SLCO3A1: variants seen among roughly 807,000 people sequenced by gnomAD.
The protein encoded by SLCO3A1 is solute carrier organic anion transporter family member 3A1.
A neutral mutation model predicts 63.1 loss-of-function variants in SLCO3A1; 27 were observed. That is an observed-to-expected ratio of 0.43 (90% confidence interval 0.32 to 0.59). The LOEUF (loss-of-function observed/expected upper bound fraction) is 0.59. SLCO3A1 is among the 20% of genes least tolerant of loss of function. SLCO3A1 has a pLI of 0.09. For synonymous variants in SLCO3A1, 473 were observed against 409.9 expected, an observed-to-expected ratio of 1.15 and a Z score of -1.86; for missense variants, 773 against 945.8, an observed-to-expected ratio of 0.82 and a Z score of 2.40.
rs574400576 is a variant in SLCO3A1, at chr15:92,067,280, T to A, written c.647-27601T>A. On this transcript the variant is annotated intron_variant, in intron 2 of 9. Coordinates refer to ENST00000318445, the MANE Select transcript of SLCO3A1 (RefSeq NM_013272.4). ...AAGAAGGGAGATGGATTCCTAGTGA[T>A]GCCCCAGTGAGGCCAAGTTCGATCC... Among the ~76,000 whole-genome samples the A allele has an allele frequency of 9.8e-5, 15 of 152,308 alleles. No homozygotes were observed. In the South Asian group the frequency reaches 2.3e-3, roughly 23 times the overall value.
chr15:91,935,380 A>G (rs546320658), intron 2 of SLCO3A1, among the ~76,000 whole-genome samples: 116 of 152,316 alleles, frequency 7.6e-4, no homozygotes, highest in African/African-American at 2.7e-3. Flanking sequence ...CCATTGAGGA[A>G]GACTGGGACC....
At chr15:91,977,812 T>G (rs996521918) in intron 2 of SLCO3A1, among the ~76,000 whole-genome samples, 1 of 152,142 alleles carries the variant, frequency 6.6e-6, no homozygotes, top group Non-Finnish European at 1.5e-5. Context: ...TCAGAGAAGG[T>G]CTTTTGCAAG....
chr15:91,920,088 T>G (rs1013968783), intron 2 of SLCO3A1, among the ~76,000 whole-genome samples: 1 of 152,234 alleles, frequency 6.6e-6, no homozygotes, highest in African/African-American at 2.4e-5. Flanking sequence ...TTTAATACTT[T>G]CTATAGTTGG....
intron 9 of SLCO3A1, among the ~76,000 whole-genome samples, chr15:92,159,549 C>T (rs2048411674): frequency 6.9e-6 from 1 of 144,512 alleles, no homozygotes; most frequent in Non-Finnish European, 1.5e-5. Context: ...CAGAGCATAG[C>T]ATGAAAAACT....
intron 2 of SLCO3A1, among the ~76,000 whole-genome samples, chr15:92,039,447 G>T (rs1458946506): frequency 6.6e-6 from 1 of 152,270 alleles, no homozygotes; most frequent in African/African-American, 2.4e-5. Flanking sequence ...ACATTTATGT[G>T]ACTATCAAAC....
chr15:91,989,142 G>C (rs938821663), intron 2 of SLCO3A1, among the ~76,000 whole-genome samples: 1 of 152,126 alleles, frequency 6.6e-6, no homozygotes, highest in African/African-American at 2.4e-5. Flanking sequence ...TTATTCCACT[G>C]TGCCTTCGCA....
Position 91,863,421 on chromosome 15 carries a change from C to T in SLCO3A1, c.180+9333C>T, listed in dbSNP as rs896270982. 6.6e-6 allele frequency among the ~76,000 whole-genome samples: 1 copy of T among 152,358 alleles called. No homozygotes were observed. The highest frequency in any genetic ancestry group is 1.9e-4 in the East Asian group (1 of 5,186). On this transcript the variant is annotated intron_variant, in intron 1 of 9. Transcript: ENST00000318445. The surrounding 1 kb of genome is among the most constrained non-coding windows in gnomAD (Gnocchi z 4.3). ...TTGCTCGTGCAGTGTAGTGGGATGGCCGTGAGTACAACCACTGCCGGTTGT... is the reference window on the plus strand; with the variant it reads ...TTGCTCGTGCAGTGTAGTGGGATGGTCGTGAGTACAACCACTGCCGGTTGT...
At chr15:92,075,705 C>T (rs900366474) in intron 2 of SLCO3A1, among the ~76,000 whole-genome samples, 3 of 152,216 alleles carry the variant, frequency 2.0e-5, no homozygotes, top group African/African-American at 7.2e-5. Context: ...CCAGTGTATC[C>T]ATCCCACATG....
At position 92,128,374 on chromosome 15, in the gene SLCO3A1, A is replaced by T. The variant is rs1218484592; in HGVS notation, c.1397A>T (p.Asp466Val). 1 of 1,613,870 alleles carries T rather than the reference A, an allele frequency of 6.2e-7. No homozygotes were observed. Among genetic ancestry groups the T allele is most frequent in the Non-Finnish European group, 8.5e-7 (1 of 1,179,968 alleles). The change falls in exon 7 of 10, where the codon GAC (aspartate) becomes GTC (valine). Residue 466 changes from aspartate to valine, a missense_variant. Asp to Val is a radical substitution (Grantham distance 152). Around this residue, in one of 3 missense-constraint regions of SLCO3A1, gnomAD observed 565 missense variants for 749.8 expected, o/e 0.75. Transcript: ENST00000318445. ...AGCACAGCACCTGGCTCAGCCCTGGACCCCTACTCGCCCTGCAATAATAAC... is the reference window on the plus strand; with the variant it reads ...AGCACAGCACCTGGCTCAGCCCTGGTCCCCTACTCGCCCTGCAATAATAAC... ...GNSTAPGSALDPYSPCNNNCE... is the reference protein window; with the variant it reads ...GNSTAPGSALVPYSPCNNNCE...
intron 3 of SLCO3A1, among the ~76,000 whole-genome samples, chr15:92,097,154 C>T (rs1314840075): frequency 6.6e-6 from 1 of 152,172 alleles, no homozygotes; most frequent in East Asian, 1.9e-4. Context: ...GAACCAAAAG[C>T]CTGCGAATGA....
chr15:92,151,117 T>C, intron 9 of SLCO3A1, 103 bp downstream of exon 9: 1 of 854,692 alleles, frequency 1.2e-6, no homozygotes, highest in African/African-American at 1.7e-5. Flanking sequence ...GTCTCTTTTT[T>C]CTTTGCAGTT....
At chr15:92,017,885 C>T (rs748455508) in intron 2 of SLCO3A1, among the ~76,000 whole-genome samples, 17 of 152,102 alleles carry the variant, frequency 1.1e-4, no homozygotes, top group Admixed American at 2.0e-4. Flanking sequence ...AGGGGCCCAT[C>T]ACACTAGCAC....
rs769635970 is a variant in SLCO3A1 at position 91,907,868 on chromosome 15, G to A, written c.181-8125G>A. Among the ~76,000 whole-genome samples, 4 of 152,238 alleles carry A rather than the reference G, an allele frequency of 2.6e-5. No homozygotes were observed. In the South Asian group the frequency reaches 6.2e-4, roughly 24 times the overall value. ...AGGAAAGCCAGGCCGACTCTCACTCGCAGACTAGGTGATCAGAGAGAACGA... is the reference window on the plus strand; with the variant it reads ...AGGAAAGCCAGGCCGACTCTCACTCACAGACTAGGTGATCAGAGAGAACGA... On this transcript the variant is annotated intron_variant, in intron 1 of 9. Coordinates refer to ENST00000318445, the MANE Select transcript of SLCO3A1 (RefSeq NM_013272.4).
chr15:92,114,825 T>A (rs1319498330), intron 4 of SLCO3A1, among the ~76,000 whole-genome samples: 7 of 152,150 alleles, frequency 4.6e-5, no homozygotes, highest in Non-Finnish European at 1.0e-4. Flanking sequence ...ACTTTGGAGC[T>A]CAGGCTGACC....
At chr15:91,924,176 G>C (rs1303117251) in intron 2 of SLCO3A1, among the ~76,000 whole-genome samples, 1 of 152,184 alleles carries the variant, frequency 6.6e-6, no homozygotes, top group Non-Finnish European at 1.5e-5. Flanking sequence ...CTTAAGTGCT[G>C]AAGGGGTGCA....
In SLCO3A1 at chr15:91,968,678, A is replaced by G. The variant is rs1254276105; in HGVS notation, c.646+52220A>G. The stretch of plus-strand genomic sequence containing the variant: ...CCCAACCCATTCTTCAGACAGAGAA[A>G]GGGTGCACACGCAGACCCGCAAGCA... On this transcript the variant is annotated intron_variant, in intron 2 of 9. Transcript: ENST00000318445. This position sits in a 1 kb window ranked among gnomAD's most constrained non-coding sequence, Gnocchi z 4.2. Among the ~76,000 whole-genome samples, 3 of 152,186 alleles carry G rather than the reference A, an allele frequency of 2.0e-5. No homozygotes were observed. Among genetic ancestry groups the G allele is most frequent in the African/African-American group, 7.2e-5 (3 of 41,440 alleles).
At position 92,032,770 on chromosome 15, in the gene SLCO3A1, A is replaced by G. The variant is rs1013007321; in HGVS notation, c.647-62111A>G. Among the ~76,000 whole-genome samples the G allele has an allele frequency of 4.6e-5, 7 of 152,102 alleles. No homozygotes were observed. In the South Asian group the frequency reaches 1.0e-3, roughly 23 times the overall value. ...AGGCCAAGTTGGAGATGTGGTGAGGAGACAGCTTTGAGGAGCATCATGGAA... is the reference window on the plus strand; with the variant it reads ...AGGCCAAGTTGGAGATGTGGTGAGGGGACAGCTTTGAGGAGCATCATGGAA... On this transcript the variant is annotated intron_variant, in intron 2 of 9. Coordinates refer to ENST00000318445, the MANE Select transcript of SLCO3A1 (RefSeq NM_013272.4).
At chr15:92,171,736 G>C (rs769395088) in intron 10 of SLCO3A1, 1 of 1,357,016 alleles carries the variant, frequency 7.4e-7, no homozygotes. Flanking sequence ...AGAAAAGACC[G>C]ATCTCTTTTT....
intron 1 of SLCO3A1, among the ~76,000 whole-genome samples, chr15:91,913,534 G>A (rs1898551376): frequency 6.6e-6 from 1 of 152,228 alleles, no homozygotes; most frequent in Non-Finnish European, 1.5e-5. Flanking sequence ...TAGGCTCAAG[G>A]AGTTTGTTTA....
Sources: gnomAD v4.1 joint callset for allele counts (sites outside exome capture counted in the v4.1 genomes callset) on GRCh38, gnomAD v4.1.1 for gene constraint, gnomAD v4.1.1 regional missense constraint, Gnocchi (gnomAD v3.1) non-coding constraint, MANE v1.5 for transcripts, NCBI Gene and HGNC (gene_info 2026-07-23, HGNC 2026-07-21) for gene names.